Variants in PKN2 observed in about 807,000 individuals in gnomAD.
PKN2 encodes the protein serine/threonine-protein kinase N2.
In PKN2, 38 loss-of-function variants were observed where a neutral mutation model predicts 119.1. That is an observed-to-expected ratio of 0.32 (90% CI 0.25 to 0.42). The LOEUF (loss-of-function observed/expected upper bound fraction) is 0.42. Among genes scored for constraint, PKN2 ranks in the 10% least tolerant of loss-of-function variants. The probability of loss-of-function intolerance (pLI) is 1.00; values close to 1 mark genes in which losing one functional copy is unlikely to be tolerated. For synonymous variants in PKN2, 390 were observed against 384.9 expected (o/e 1.01, Z -0.15); for missense variants, 850 against 1,165.1 (o/e 0.73, Z 3.94).
intron 1 of PKN2, among the ~76,000 whole-genome samples, chr1:88,697,141 A>G (rs1043558761): frequency 9.9e-5 from 15 of 152,278 alleles, no homozygotes; most frequent in South Asian, 2.1e-4. Flanking sequence ...TACATTTGCA[A>G]ATTAGTCTCT....
At chr1:88,735,996 G>A (rs901734924) in intron 1 of PKN2, among the ~76,000 whole-genome samples, 83 of 152,152 alleles carry the variant, frequency 5.5e-4, no homozygotes, top group Non-Finnish European at 9.1e-4. Flanking sequence ...CTGTTGCATT[G>A]TTCTGTAAAC....
Position 88,730,033 on chromosome 1 carries a change from T to C in PKN2, c.49-10955T>C, listed in dbSNP as rs188695999. On this transcript the variant is annotated intron_variant, in intron 1 of 21. Coordinates refer to ENST00000370521, the MANE Select transcript of PKN2 (RefSeq NM_006256.4). ...CAAAAAAATTAGCCGGGTGTGGTGG[T>C]GGGCGCCTGTAGTCCCAGCTACTCC... Among the ~76,000 whole-genome samples the C allele has an allele frequency of 2.7e-3, 412 of 151,890 alleles. 4 individuals are homozygous for C. Among genetic ancestry groups the C allele is most frequent in the African/African-American group, 8.9e-3 (367 of 41,430 alleles).
chr1:88,783,866 A>G (rs1446037112), intron 6 of PKN2, among the ~76,000 whole-genome samples: 1 of 152,214 alleles, frequency 6.6e-6, no homozygotes, highest in Non-Finnish European at 1.5e-5. Flanking sequence ...AACAGAATGG[A>G]AAGATAATGT....
chr1:88,776,036 A>AG (rs1354500863), intron 6 of PKN2, among the ~76,000 whole-genome samples: 1 of 149,572 alleles, frequency 6.7e-6, no homozygotes, highest in African/African-American at 2.5e-5. Context: ...TGAACCTGGG[A>AG]GGCGGAGCTG....
Position 88,750,946 on chromosome 1 carries a change from A to AT in PKN2, c.350-9269dup, listed in dbSNP as rs961729324. Among the ~76,000 whole-genome samples, 23 of 152,214 alleles carry AT rather than the reference A, an allele frequency of 1.5e-4. 1 individual carries two copies. In the South Asian group the frequency reaches 1.7e-3, roughly 11 times the overall value. The stretch of plus-strand genomic sequence containing the variant: ...ATTCAACGTAAACACTGCTGCCAGC[A>AT]TTTTTTTAAATCTAGAATTCAGATT... On this transcript the variant is annotated intron_variant, in intron 2 of 21. Transcript: ENST00000370521.
chr1:88,741,503 C>T (rs775023242), intron 2 of PKN2, among the ~76,000 whole-genome samples: 2 of 151,934 alleles, frequency 1.3e-5, no homozygotes, highest in Non-Finnish European at 2.9e-5. Context: ...ATTTAATAAC[C>T]CTAATGTATT....
intron 6 of PKN2, among the ~76,000 whole-genome samples, chr1:88,776,207 C>CCCCCTA (rs1163833573): frequency 8.0e-6 from 1 of 124,958 alleles, no homozygotes; most frequent in South Asian, 3.0e-4. Context: ...CCCTCCCCCT[C>CCCCCTA]CCCCTACCCC....
intron 2 of PKN2, among the ~76,000 whole-genome samples, chr1:88,758,722 A>G (rs540670845): frequency 6.6e-6 from 1 of 152,118 alleles, no homozygotes; most frequent in East Asian, 1.9e-4. Context: ...CTCTTTTTTT[A>G]ATGGCTGCAT....
At chr1:88,821,830 A>G (rs1193616876) in intron 16 of PKN2, 111 bp from the exon 17 acceptor site, 4 of 836,798 alleles carry the variant, frequency 4.8e-6, no homozygotes, top group Middle Eastern at 3.1e-4. Flanking sequence ...GACTAAATAA[A>G]TATTTGTGAA....
intron 1 of PKN2, among the ~76,000 whole-genome samples, chr1:88,689,316 C>T (rs1666240309): frequency 6.6e-6 from 1 of 152,094 alleles, no homozygotes; most frequent in Non-Finnish European, 1.5e-5. Context: ...GCTGTAGAGT[C>T]CATTTTTTCT....
At chr1:88,817,307 T>G (rs962498191) in intron 16 of PKN2, among the ~76,000 whole-genome samples, 2 of 151,556 alleles carry the variant, frequency 1.3e-5, no homozygotes, top group African/African-American at 4.9e-5. Context: ...ACTACATGAT[T>G]ATCTCAATAG....
intron 6 of PKN2, among the ~76,000 whole-genome samples, chr1:88,783,484 T>G (rs1670438771): frequency 6.6e-6 from 1 of 152,220 alleles, no homozygotes; most frequent in Admixed American, 6.5e-5. Flanking sequence ...TTTTCTTTTT[T>G]TGGTAGTTTG....
At chr1:88,805,826 T>G (rs751740229) in intron 11 of PKN2, 65 bp from the exon 12 acceptor site, 18 of 1,609,014 alleles carry the variant, frequency 1.1e-5, no homozygotes, top group Middle Eastern at 3.3e-4. Flanking sequence ...TTGCTTTAAT[T>G]TTAAAGCTGT....
intron 1 of PKN2, among the ~76,000 whole-genome samples, chr1:88,701,495 C>T (rs1210128983): frequency 6.6e-6 from 1 of 152,146 alleles, no homozygotes; most frequent in Non-Finnish European, 1.5e-5. Flanking sequence ...TCAAGGCCAG[C>T]TCTATTGTCA....
At chr1:88,697,722 T>C (rs956709309) in intron 1 of PKN2, among the ~76,000 whole-genome samples, 1 of 152,210 alleles carries the variant, frequency 6.6e-6, no homozygotes, top group African/African-American at 2.4e-5. Flanking sequence ...TCTTAAGTCT[T>C]ACTCATGTAA....
intron 16 of PKN2, among the ~76,000 whole-genome samples, chr1:88,818,677 C>G (rs972046753): frequency 2.7e-5 from 4 of 150,092 alleles, no homozygotes; most frequent in Non-Finnish European, 5.9e-5. Context: ...AAAGAAGAAA[C>G]TACTTTAAAT....
intron 2 of PKN2, among the ~76,000 whole-genome samples, chr1:88,745,082 A>G (rs899789384): frequency 3.9e-5 from 6 of 152,204 alleles, no homozygotes; most frequent in African/African-American, 1.4e-4. Context: ...TAAAAATTCT[A>G]TGAACAAATT....
At chr1:88,728,319 G>A (rs1667979992) in intron 1 of PKN2, among the ~76,000 whole-genome samples, 1 of 151,782 alleles carries the variant, frequency 6.6e-6, no homozygotes, top group Admixed American at 6.6e-5. Context: ...TTCTCCTTTT[G>A]GATAACTCAG....
At chr1:88,796,322 C>G (rs184330241) in intron 8 of PKN2, among the ~76,000 whole-genome samples, 1 of 152,118 alleles carries the variant, frequency 6.6e-6, no homozygotes, top group East Asian at 1.9e-4. Context: ...GATACTCAGC[C>G]TGTACTGCCT....
Sources: allele counts gnomAD v4.1 joint callset (sites outside exome capture counted in the v4.1 genomes callset), GRCh38; gene constraint gnomAD v4.1.1; transcripts MANE v1.5; gene names NCBI Gene and HGNC (gene_info 2026-07-23, HGNC 2026-07-21).